AUTS2: variants seen among roughly 807,000 people sequenced by gnomAD.
AUTS2 encodes the protein activator of transcription and developmental regulator AUTS2, also known as autism susceptibility gene 2 protein.
A neutral mutation model predicts 112.4 loss-of-function variants in AUTS2; 17 were observed. The observed-to-expected ratio is 0.15, with a 90% CI of 0.10 to 0.23. The LOEUF (loss-of-function observed/expected upper bound fraction) is 0.23. Among genes scored for constraint, AUTS2 ranks in the 10% least tolerant of loss-of-function variants. The probability of loss-of-function intolerance (pLI) is 1.00; values close to 1 mark genes in which losing one functional copy is unlikely to be tolerated. For synonymous variants in AUTS2, 751 were observed against 702.7 expected (o/e 1.07, Z -1.09); for missense variants, 1,510 against 1,701.6 (o/e 0.89, Z 1.98).
intron 5 of AUTS2, among the ~76,000 whole-genome samples, chr7:70,635,232 A>G (rs1805473468): frequency 6.6e-6 from 1 of 152,176 alleles, no homozygotes; most frequent in Non-Finnish European, 1.5e-5. Context: ...CTGAACCACA[A>G]AGGCACAAGC....
At chr7:69,941,595 T>G (rs1338794047) in intron 2 of AUTS2, among the ~76,000 whole-genome samples, 2 of 149,180 alleles carry the variant, frequency 1.3e-5, no homozygotes, top group Non-Finnish European at 3.0e-5. Context: ...TTTTTTTTTT[T>G]GGCTGTGTGA....
At chr7:70,735,697 A>G (rs1363322067) in intron 6 of AUTS2, among the ~76,000 whole-genome samples, 1 of 152,104 alleles carries the variant, frequency 6.6e-6, no homozygotes. Context: ...CATTTGGAGG[A>G]TAGAGTGCCC....
intron 2 of AUTS2, among the ~76,000 whole-genome samples, chr7:70,113,726 C>T (rs899780241): frequency 2.0e-5 from 3 of 152,190 alleles, no homozygotes; most frequent in Non-Finnish European, 4.4e-5. Flanking sequence ...CATAATTTAT[C>T]CTTCTGTAAA....
chr7:70,338,879 T>TA (rs1562891028), intron 4 of AUTS2, among the ~76,000 whole-genome samples: 4 of 150,970 alleles, frequency 2.6e-5, no homozygotes, highest in East Asian at 1.9e-4. Flanking sequence ...TTTATTTATT[T>TA]TGAGACAGAG....
At chr7:70,606,293 G>T (rs1291400153) in intron 5 of AUTS2, among the ~76,000 whole-genome samples, 4 of 152,156 alleles carry the variant, frequency 2.6e-5, no homozygotes, top group Admixed American at 2.6e-4. Flanking sequence ...TTAGGACTTA[G>T]GACTGAGTCC....
At chr7:69,665,911 A>T (rs1369304997) in intron 1 of AUTS2, among the ~76,000 whole-genome samples, 1 of 152,124 alleles carries the variant, frequency 6.6e-6, no homozygotes, top group Non-Finnish European at 1.5e-5. Context: ...GGCCATTAGA[A>T]ATGCGCATAC....
At chr7:70,054,690 T>C (rs1480108169) in intron 2 of AUTS2, among the ~76,000 whole-genome samples, 1 of 152,218 alleles carries the variant, frequency 6.6e-6, no homozygotes, top group Non-Finnish European at 1.5e-5. Context: ...TAAATCATTC[T>C]AGAATTTTGC....
chr7:70,054,554 C>T (rs1357362175), intron 2 of AUTS2, among the ~76,000 whole-genome samples: 1 of 152,140 alleles, frequency 6.6e-6, no homozygotes, highest in Non-Finnish European at 1.5e-5. Flanking sequence ...TCCTGATATA[C>T]TGGTTACTTA....
At chr7:70,746,256 C>G (rs907654458) in intron 6 of AUTS2, among the ~76,000 whole-genome samples, 37 of 152,290 alleles carry the variant, frequency 2.4e-4, no homozygotes, top group African/African-American at 8.4e-4. Context: ...AGCGATTCTC[C>G]TGCCTCAGCC....
chr7:70,036,204 C>T (rs1327340658), intron 2 of AUTS2, among the ~76,000 whole-genome samples: 1 of 152,190 alleles, frequency 6.6e-6, no homozygotes, highest in Non-Finnish European at 1.5e-5. Flanking sequence ...TGCTGGAAAG[C>T]CAGTGTGGCT....
intron 4 of AUTS2, among the ~76,000 whole-genome samples, chr7:70,340,998 G>A (rs766163885): frequency 1.3e-5 from 2 of 152,172 alleles, no homozygotes; most frequent in Non-Finnish European, 2.9e-5. Context: ...ACTCTTCCAA[G>A]AAAGCTTTAA....
At chr7:69,992,464 G>A (rs1798777590) in intron 2 of AUTS2, among the ~76,000 whole-genome samples, 1 of 152,186 alleles carries the variant, frequency 6.6e-6, no homozygotes, top group African/African-American at 2.4e-5. Flanking sequence ...GAGCTTGATT[G>A]GATGGTGATC....
At chr7:70,107,260 A>T (rs747537972) in intron 2 of AUTS2, among the ~76,000 whole-genome samples, 2 of 151,730 alleles carry the variant, frequency 1.3e-5, no homozygotes, top group East Asian at 3.9e-4. Context: ...TTGTATGCTC[A>T]CTAGCACACA....
intron 1 of AUTS2, among the ~76,000 whole-genome samples, chr7:69,655,788 C>T (rs1210129111): frequency 6.6e-6 from 1 of 152,106 alleles, no homozygotes; most frequent in Admixed American, 6.5e-5. Context: ...GCCGTGCCTT[C>T]CTGGGGACCT....
At chr7:70,092,096 G>A in intron 2 of AUTS2, among the ~76,000 whole-genome samples, 1 of 62,392 alleles carries the variant, frequency 1.6e-5, no homozygotes, top group East Asian at 4.6e-4. Flanking sequence ...TTAATACTTA[G>A]GAGTATTTTA....
chr7:70,241,759 T>G (rs958754649), intron 4 of AUTS2, among the ~76,000 whole-genome samples: 1 of 152,226 alleles, frequency 6.6e-6, no homozygotes, highest in Non-Finnish European at 1.5e-5. Flanking sequence ...AATGTTAATT[T>G]GAGAGTGTTA....
chr7:69,876,358 A>ATATATATG (rs1793768448), intron 1 of AUTS2, among the ~76,000 whole-genome samples: 2 of 97,050 alleles, frequency 2.1e-5, no homozygotes, highest in African/African-American at 4.1e-5. Flanking sequence ...AAATATATAT[A>ATATATATG]TATATATATA....
At position 70,041,440 on chromosome 7, in the gene AUTS2, C is replaced by T. The variant is rs147534115; in HGVS notation, c.523-76692C>T. Among the ~76,000 whole-genome samples the T allele has an allele frequency of 1.4e-3, 217 of 152,234 alleles. 4 individuals are homozygous for T. Among genetic ancestry groups the T allele is most frequent in the South Asian group, 7.2e-3 (35 of 4,828 alleles). ...TTACAAATTTCTCTCCCTCTCTGTA[C>T]TAATGATAAGAATGAACTGTGAAAT... On this transcript the variant is annotated intron_variant, in intron 2 of 18. Transcript: ENST00000342771.
chr7:70,494,179 T>C (rs1476824176), intron 5 of AUTS2, among the ~76,000 whole-genome samples: 2 of 152,212 alleles, frequency 1.3e-5, no homozygotes, highest in Non-Finnish European at 2.9e-5. Flanking sequence ...AACATTTTAG[T>C]TGAGAAGCAG....
Sources: gnomAD v4.1 joint callset for allele counts (sites outside exome capture counted in the v4.1 genomes callset) on GRCh38, gnomAD v4.1.1 for gene constraint, MANE v1.5 for transcripts, NCBI Gene and HGNC (gene_info 2026-07-23, HGNC 2026-07-21) for gene names.